The following GRIP2 variants were observed in gnomAD, a reference collection of about 807,000 sequenced individuals.
GRIP2 encodes the protein glutamate receptor interacting protein 2.
Under a neutral mutation model 108.3 loss-of-function variants are expected in GRIP2, and 58 were observed. The ratio of observed to expected loss-of-function variants is 0.54; its 90% CI spans 0.43 to 0.67. The LOEUF is 0.67. Among genes scored for constraint, GRIP2 ranks in the 30% least tolerant of loss-of-function variants. The pLI is 0.00. For missense variants in GRIP2, 1,278 were observed against 1,430.6 expected, an observed-to-expected ratio of 0.89 and a Z score of 1.72; for synonymous variants, 586 against 598.2, an observed-to-expected ratio of 0.98 and a Z score of 0.30.
At chr3:14,538,320 C>T (rs1694883229) in intron 1 of GRIP2, among the ~76,000 whole-genome samples, 1 of 152,168 alleles carries the variant, frequency 6.6e-6, no homozygotes, top group South Asian at 2.1e-4. Flanking sequence ...CAGGGGTGGG[C>T]ATGTGATACA....
intron 21 of GRIP2, among the ~76,000 whole-genome samples, chr3:14,503,140 G>A (rs1693811279): frequency 6.6e-6 from 1 of 152,116 alleles, no homozygotes; most frequent in Non-Finnish European, 1.5e-5. Flanking sequence ...GCTTCTACAG[G>A]GCATGCCGAC....
At chr3:14,543,744 G>A (rs888573840), upstream of GRIP2, among the ~76,000 whole-genome samples, 4 of 152,256 alleles carry the variant, frequency 2.6e-5, no homozygotes, top group African/African-American at 7.2e-5. Flanking sequence ...ATGCGAGGGG[G>A]CTGAGCAGCC....
At chr3:14,524,843 C>T (rs902543280) in intron 3 of GRIP2, among the ~76,000 whole-genome samples, 9 of 152,204 alleles carry the variant, frequency 5.9e-5, no homozygotes, top group Non-Finnish European at 1.2e-4. Flanking sequence ...TTCCCTAATG[C>T]TCTTCCTGAC....
At chr3:14,556,021 G>A (rs1695233057) in exon 1 of GRIP2, 4 of 398,612 alleles carry the variant, frequency 1.0e-5, no homozygotes, top group African/African-American at 2.1e-5. Flanking sequence ...TGGAGCCGGC[G>A]CTCCTGTGCC....
chr3:14,576,418 C>T, the GRIP2 span, among the ~76,000 whole-genome samples: 109,061 of 152,120 alleles, frequency 0.72, 40,551 homozygotes, highest in South Asian at 0.87. Context: ...TTGGAACCCA[C>T]TTCACTACAC....
At chr3:14,574,085 GT>G in the GRIP2 span, 1 of 1,373,868 alleles carries the variant, frequency 7.3e-7, no homozygotes. Context: ...AGACCCAGTG[GT>G]TCCACAGAAT....
chr3:14,574,197 G>C, the GRIP2 span: 21 of 874,128 alleles, frequency 2.4e-5, no homozygotes, highest in Non-Finnish European at 4.1e-5. Context: ...GAGCCAGTGG[G>C]TGAAGAAGGG....
upstream of GRIP2, among the ~76,000 whole-genome samples, chr3:14,544,057 G>A (rs1485517171): frequency 2.0e-5 from 3 of 152,212 alleles, no homozygotes; most frequent in Non-Finnish European, 2.9e-5. Flanking sequence ...AGAATTTCAA[G>A]GGAGCTAAGC....
At chr3:14,543,323 G>A (rs914439638), upstream of GRIP2, among the ~76,000 whole-genome samples, 9 of 152,236 alleles carry the variant, frequency 5.9e-5, no homozygotes, top group African/African-American at 2.2e-4. Flanking sequence ...CTCAGGTGAT[G>A]CATATGAAGT....
At chr3:14,547,708 G>T (rs1695078876) in intron 1 of GRIP2, among the ~76,000 whole-genome samples, 1 of 152,144 alleles carries the variant, frequency 6.6e-6, no homozygotes, top group Non-Finnish European at 1.5e-5. Flanking sequence ...CCCCTCAGGG[G>T]CTGCTCTGAC....
intron 19 of GRIP2, 90 bp downstream of exon 19, chr3:14,506,711 G>C: frequency 1.6e-6 from 2 of 1,236,994 alleles, no homozygotes; most frequent in Non-Finnish European, 1.1e-6. Flanking sequence ...CAGGAGGGAG[G>C]AACAGGCACA....
At chr3:14,496,336 G>C in intron 22 of GRIP2, 81 bp downstream of exon 22, 1 of 1,221,888 alleles carries the variant, frequency 8.2e-7, no homozygotes, top group South Asian at 1.6e-5. Flanking sequence ...GAGAGGGGCA[G>C]GGCCCCTCTG....
In GRIP2 at chr3:14,514,460, G is replaced by A. The variant is rs181479678; in HGVS notation, c.1325C>T (p.Thr442Met). The change falls in exon 12 of 24, where the codon ACG becomes ATG. Residue 442 changes from threonine to methionine, a missense_variant. Thr to Met is a moderately conservative substitution (Grantham distance 81, BLOSUM62 -1). Transcript: ENST00000621039. ...HKSSLSLASS[T>M]VGPGGQIVHT... ...CACAATCTGCCCGCCCGGCCCCACC[G>A]TGCTGGAGGCTAGCGACACTGTAGG... is the stretch of plus-strand genomic sequence containing the variant. The A allele has an allele frequency of 1.8e-3, 2,877 of 1,575,618 alleles. 5 individuals are homozygous for A. Among genetic ancestry groups the A allele is most frequent in the Non-Finnish European group, 2.0e-3 (2,308 of 1,162,042 alleles).
At position 14,507,432 on chromosome 3, in the gene GRIP2, G is replaced by T. The variant is rs1313946719; in HGVS notation, c.2218+129C>A. 6 of 1,121,830 alleles carry T rather than the reference G, an allele frequency of 5.3e-6. No homozygotes were observed. Among genetic ancestry groups the T allele is most frequent in the African/African-American group, 4.6e-5 (3 of 64,590 alleles). The allele number at this position is 1,121,830 out of a possible 1,614,324, so 69.5% of individuals were successfully genotyped here. On this transcript the variant is annotated intron_variant, in intron 18 of 23. Coordinates refer to ENST00000621039, the MANE Select transcript of GRIP2 (RefSeq NM_001080423.4). The surrounding 1 kb of genome is among the most constrained non-coding windows in gnomAD (Gnocchi z 4.6). ...TCCCTCTCTGAGTCTTATCTTCTTTGCCATCGCAGGCCCGCCTCCACAGGG... is the reference window on the plus strand; with the variant it reads ...TCCCTCTCTGAGTCTTATCTTCTTTTCCATCGCAGGCCCGCCTCCACAGGG...
the GRIP2 span, chr3:14,572,992 C>T: frequency 2.0e-6 from 3 of 1,483,322 alleles, no homozygotes; most frequent in African/African-American, 2.8e-5. Flanking sequence ...AGGAAGACCA[C>T]CTGAAAGATG....
At chr3:14,509,761 A>C in intron 17 of GRIP2, 59 bp downstream of exon 17, 1 of 1,337,294 alleles carries the variant, frequency 7.5e-7, no homozygotes, top group Non-Finnish European at 9.7e-7. Context: ...CCATAGCCCC[A>C]GCTCTTGCTT....
At chr3:14,495,041 C>A in intron 22 of GRIP2, 52 bp from the exon 23 acceptor site, 2 of 1,599,214 alleles carry the variant, frequency 1.3e-6, no homozygotes, top group South Asian at 2.3e-5. Context: ...TTGCCCCCAG[C>A]CTCTCACAGT....
rs1455288928 is a variant in GRIP2 at position 14,489,658 on chromosome 3, C to T, written c.*4007G>A. 2 of 152,408 alleles carry T rather than the reference C, an allele frequency of 1.3e-5. No homozygotes were observed. Among genetic ancestry groups the T allele is most frequent in the Non-Finnish European group, 2.9e-5 (2 of 68,190 alleles). The allele number at this position is 152,408 out of a possible 1,614,324, so 9.4% of individuals were successfully genotyped here. ...GAGATCTGGCAGCAGTCACCTGAGC[C>T]TCAGTTTCCCCATCTGGAATAAACC... On this transcript the variant is annotated 3_prime_UTR_variant, in exon 24 of 24. Coordinates refer to ENST00000621039, the MANE Select transcript of GRIP2 (RefSeq NM_001080423.4).
At chr3:14,566,777 A>G in the GRIP2 span, among the ~76,000 whole-genome samples, 1 of 152,126 alleles carries the variant, frequency 6.6e-6, no homozygotes, top group Admixed American at 6.5e-5. Context: ...TCCCCTTTCC[A>G]TGGCTTCCAG....
Sources: allele counts gnomAD v4.1 joint callset (sites outside exome capture counted in the v4.1 genomes callset), GRCh38; gene constraint gnomAD v4.1.1; non-coding constraint Gnocchi (gnomAD v3.1); transcripts MANE v1.5; gene names NCBI Gene and HGNC (gene_info 2026-07-23, HGNC 2026-07-21).